Variants in ZAP70 observed in about 807,000 individuals in gnomAD.
ZAP70 encodes the protein zeta chain of T cell receptor associated protein kinase 70.
A neutral mutation model predicts 65.8 loss-of-function variants in ZAP70; 27 were observed. That is an observed-to-expected ratio of 0.41 (90% CI 0.30 to 0.57). The LOEUF is 0.57. Ranked by LOEUF, ZAP70 falls within the 20% of genes least tolerant of loss-of-function variation. The pLI is 0.28. For synonymous variants in ZAP70, 363 were observed against 360.8 expected, an observed-to-expected ratio of 1.01 and a Z score of -0.07; for missense variants, 696 against 870.5, an observed-to-expected ratio of 0.80 and a Z score of 2.52.
intron 3 of ZAP70, chr2:97,724,822 A>G: frequency 1.3e-6 from 2 of 1,515,412 alleles, no homozygotes; most frequent in Non-Finnish European, 1.8e-6. Context: ...CCACAGCCTG[A>G]GTGACACCAC....
Position 97,737,461 on chromosome 2 carries a change from C to T in ZAP70, c.1290-12C>T. 1 of 1,614,048 alleles carries T rather than the reference C, an allele frequency of 6.2e-7. No individual in the cohort carries two copies. The highest frequency in any genetic ancestry group is 8.5e-7 in the Non-Finnish European group (1 of 1,179,958). On this transcript the variant is annotated splice_polypyrimidine_tract_variant and intron_variant, in intron 10 of 13. Coordinates refer to ENST00000264972, the MANE Select transcript of ZAP70 (RefSeq NM_001079.4). The surrounding 1 kb of genome is among the most constrained non-coding windows in gnomAD (Gnocchi z 5.0). ...CTTCTCCCAGCTGACCCCGCCTTCCCCGCCACCCCAGGGAGGAGATCCCTG... is the reference window on the plus strand; with the variant it reads ...CTTCTCCCAGCTGACCCCGCCTTCCTCGCCACCCCAGGGAGGAGATCCCTG...
intron 2 of ZAP70, among the ~76,000 whole-genome samples, chr2:97,717,592 G>A (rs1029025436): frequency 6.6e-6 from 1 of 152,198 alleles, no homozygotes; most frequent in African/African-American, 2.4e-5. Flanking sequence ...CTGACGATGG[G>A]CATGTAATGG....
chr2:97,735,220 C>A, intron 9 of ZAP70, 30 bp from the exon 10 acceptor site: 1 of 1,613,126 alleles, frequency 6.2e-7, no homozygotes, highest in Non-Finnish European at 8.5e-7. Flanking sequence ...TGCCCCTCGC[C>A]CACGTGCCTC....
Position 97,725,180 on chromosome 2 carries a change from A to G in ZAP70, c.491A>G (p.Tyr164Cys). 6.2e-7 allele frequency: 1 copy of G among 1,614,184 alleles called. No homozygotes were observed. The highest frequency in any genetic ancestry group is 8.5e-7 in the Non-Finnish European group (1 of 1,180,024). The change falls in exon 4 of 14, where the codon TAC becomes TGC. Residue 164 changes from tyrosine (Y) to cysteine (C), a missense_variant. Physicochemically the swap from Tyr to Cys is radical, Grantham distance 194 (BLOSUM62 -2). Coordinates refer to ENST00000264972, the MANE Select transcript of ZAP70 (RefSeq NM_001079.4). ...ACGGCCCACGAGCGGATGCCCTGGT[A>G]CCACAGCAGCCTGACGCGTGAGGAG... ...ATTAHERMPWYHSSLTREEAE... is the reference protein window; with the variant it reads ...ATTAHERMPWCHSSLTREEAE...
rs1267195445 is a variant in ZAP70, at chr2:97,737,916, A to G, written c.1623+19A>G. ...CTACAAGGCAGGCGCGGGCAGAGGC[A>G]GGTGGGCGGTGTGGTGGGGAGGGGG... On this transcript the variant is annotated intron_variant, in intron 12 of 13. Transcript: ENST00000264972. This position sits in a 1 kb window ranked among gnomAD's most constrained non-coding sequence, Gnocchi z 5.0. 2 of 1,614,072 alleles carry G rather than the reference A, an allele frequency of 1.2e-6. No individual in the cohort carries two copies. The highest frequency in any genetic ancestry group is 2.2e-5 in the South Asian group (2 of 91,092).
rs1044653029 is a variant in ZAP70 at position 97,715,773 on chromosome 2, A to G, written c.-22+1779A>G. Among the ~76,000 whole-genome samples, 2 of 152,240 alleles carry G rather than the reference A, an allele frequency of 1.3e-5. No individual in the cohort carries two copies. The highest frequency in any genetic ancestry group is 2.4e-5 in the African/African-American group (1 of 41,466). On this transcript the variant is annotated intron_variant, in intron 2 of 13. Coordinates refer to ENST00000264972, the MANE Select transcript of ZAP70 (RefSeq NM_001079.4). This position sits in a 1 kb window ranked among gnomAD's most constrained non-coding sequence, Gnocchi z 4.1. ...TTCTTTAGCTGAGGAGTGGGATAAC[A>G]GTTCCCACCAAATGTAGTTGTGGTG...
Position 97,732,982 on chromosome 2 carries a change from C to T in ZAP70, c.663C>T (p.Tyr221=). ...TCAGCCAAGACAAGGCGGGCAAGTA[C>T]TGCATTCCCGAGGGCACCAAGTTTG... The part of the protein sequence containing the change: ...YLISQDKAGK[Y]CIPEGTKFDT... Residue 221 remains tyrosine (Y), a synonymous_variant, in exon 5 of 14, where the codon TAC becomes TAT. Transcript: ENST00000264972. 6.2e-7 allele frequency: 1 copy of T among 1,614,168 alleles called. No homozygotes were observed. The highest frequency in any genetic ancestry group is 2.2e-5 in the East Asian group (1 of 44,892).
intron 2 of ZAP70, among the ~76,000 whole-genome samples, chr2:97,714,753 G>T (rs1676841111): frequency 6.6e-6 from 1 of 152,200 alleles, no homozygotes; most frequent in Non-Finnish European, 1.5e-5. Context: ...CTTGCTGAGA[G>T]ATCAGGGTCA....
chr2:97,733,178 G>A lies in ZAP70; in HGVS notation c.756G>A (p.Glu252=), dbSNP rs150682182. The change falls in exon 6 of 14, where the codon GAG becomes GAA. Residue 252 remains glutamate (E), a synonymous_variant. Transcript: ENST00000264972. ...KADGLIYCLK[E]ACPNSSASNA... The stretch of plus-strand genomic sequence containing the variant: ...ACGGGCTCATCTACTGCCTGAAGGA[G>A]GCCTGCCCCAACAGCAGTGCCAGCA... 60 of 1,613,728 alleles carry A rather than the reference G, an allele frequency of 3.7e-5. No individual in the cohort carries two copies. The African/African-American group carries it at 5.9e-4, about 16-fold the overall frequency.
In ZAP70 at chr2:97,732,955, C is replaced by T. The variant is rs373473420; in HGVS notation, c.636C>T (p.Leu212=). The T allele has an allele frequency of 6.2e-6, 10 of 1,614,150 alleles. No homozygotes were observed. The highest frequency in any genetic ancestry group is 8.5e-6 in the Non-Finnish European group (10 of 1,180,042). Reference sequence around the variant, plus strand: ...ATGGGAAGACGGTGTACCACTACCTCATCAGCCAAGACAAGGCGGGCAAGT... The same window carrying T: ...ATGGGAAGACGGTGTACCACTACCTTATCAGCCAAGACAAGGCGGGCAAGT... ...LIYGKTVYHY[L]ISQDKAGKYC... is the part of the protein sequence containing the mutation. Residue 212 remains leucine (L), a synonymous_variant, in exon 5 of 14, where the codon CTC becomes CTT. Transcript: ENST00000264972.
intron 8 of ZAP70, chr2:97,733,819 C>T: frequency 3.3e-6 from 2 of 612,136 alleles, no homozygotes; most frequent in Non-Finnish European, 5.8e-6. Flanking sequence ...CTTGGCCTTG[C>T]CTGAGGCTCC....
intron 3 of ZAP70, chr2:97,724,723 G>C: frequency 1.3e-6 from 2 of 1,512,792 alleles, no homozygotes; most frequent in Non-Finnish European, 1.8e-6. Flanking sequence ...GCGAGGCTTG[G>C]AATGGGGGCG....
At chr2:97,755,661 A>T in the ZAP70 span, among the ~76,000 whole-genome samples, 1 of 152,090 alleles carries the variant, frequency 6.6e-6, no homozygotes, top group Non-Finnish European at 1.5e-5. Context: ...TGCTGCTGGT[A>T]AGCTCCCACA....
intron 2 of ZAP70, among the ~76,000 whole-genome samples, chr2:97,721,580 ATTTTTT>A (rs796509420): frequency 4.3e-4 from 35 of 81,168 alleles, no homozygotes; most frequent in Non-Finnish European, 5.1e-4. Flanking sequence ...TGGCTGGCTG[ATTTTTT>A]TTTTTTTTTT....
the ZAP70 span, among the ~76,000 whole-genome samples, chr2:97,751,126 AAT>A: frequency 6.6e-6 from 1 of 152,248 alleles, no homozygotes; most frequent in Admixed American, 6.5e-5. Context: ...AACCACTCTG[AAT>A]ATACATGAGT....
the ZAP70 span, among the ~76,000 whole-genome samples, chr2:97,752,575 A>G: frequency 6.6e-6 from 1 of 152,236 alleles, no homozygotes; most frequent in African/African-American, 2.4e-5. Context: ...TCTTTAGCAC[A>G]GTGGTCAGCC....
rs1453171268 is a variant in ZAP70 at position 97,739,747 on chromosome 2, C to T, written c.*249C>T. On this transcript the variant is annotated 3_prime_UTR_variant, in exon 14 of 14. Transcript: ENST00000264972. Reference sequence around the variant, plus strand: ...CTGGGCTGGTGGCTCCCGGAGGGCCCTGAGCTGAGGGCATTGCTTACACGG... The same window carrying T: ...CTGGGCTGGTGGCTCCCGGAGGGCCTTGAGCTGAGGGCATTGCTTACACGG... 1 of 592,420 alleles carries T rather than the reference C, an allele frequency of 1.7e-6. No homozygotes were observed. The highest frequency in any genetic ancestry group is 1.9e-5 in the African/African-American group (1 of 53,708). The allele number at this position is 592,420 out of a possible 1,614,324, so 36.7% of individuals were successfully genotyped here.
At position 97,738,065 on chromosome 2, in the gene ZAP70, C is replaced by T; in HGVS notation, c.1694C>T (p.Pro565Leu). ...CGGATGGAGTGCCCACCAGAGTGTC[C>T]ACCCGAACTGTACGCACTCATGAGT... ...GKRMECPPEC[P>L]PELYALMSDC... is the part of the protein sequence containing the mutation. Residue 565 changes from proline (P) to leucine (L), a missense_variant, in exon 13 of 14, where the codon CCA becomes CTA. Around this residue, in one of 3 missense-constraint regions of ZAP70, gnomAD observed 78 missense variants for 88.6 expected, o/e 0.88. Coordinates refer to ENST00000264972, the MANE Select transcript of ZAP70 (RefSeq NM_001079.4). 2 of 1,610,992 alleles carry T rather than the reference C, an allele frequency of 1.2e-6. No homozygotes were observed. The highest frequency in any genetic ancestry group is 1.7e-6 in the Non-Finnish European group (2 of 1,178,470).
intron 3 of ZAP70, 145 bp from the exon 4 acceptor site, chr2:97,724,947 G>A (rs1010971008): frequency 5.2e-6 from 8 of 1,534,654 alleles, no homozygotes; most frequent in African/African-American, 2.7e-5. Flanking sequence ...GAGATGGCGC[G>A]GAGGTAGTCC....
Sources: gnomAD v4.1 joint callset for allele counts (sites outside exome capture counted in the v4.1 genomes callset) on GRCh38, gnomAD v4.1.1 for gene constraint, gnomAD v4.1.1 regional missense constraint, Gnocchi (gnomAD v3.1) non-coding constraint, MANE v1.5 for transcripts, NCBI Gene and HGNC (gene_info 2026-07-23, HGNC 2026-07-21) for gene names.